The following GNB4 variants were observed in gnomAD, a reference collection of about 807,000 sequenced individuals.
GNB4 encodes the protein guanine nucleotide-binding protein subunit beta-4.
In GNB4, 28 loss-of-function variants were observed where a neutral mutation model predicts 45.2. The observed-to-expected ratio is 0.62, with a 90% CI of 0.46 to 0.85. GNB4 has a LOEUF of 0.85. GNB4 is among the 40% of genes least tolerant of loss of function. GNB4 has a pLI of 0.00. For synonymous variants in GNB4, 132 were observed against 143.7 expected (o/e 0.92, Z 0.58); for missense variants, 321 against 425.4 (o/e 0.75, Z 2.16).
chr3:179,460,281 T>C, the GNB4 span, among the ~76,000 whole-genome samples: 1 of 152,220 alleles, frequency 6.6e-6, no homozygotes, highest in East Asian at 1.9e-4. Flanking sequence ...GTTAAAAATC[T>C]CACTTTGGCA....
chr3:179,441,099 C>G (rs899356948), intron 1 of GNB4, among the ~76,000 whole-genome samples: 5 of 152,186 alleles, frequency 3.3e-5, no homozygotes, highest in Non-Finnish European at 7.3e-5. Context: ...TCAACAAACA[C>G]GTATTTGACA....
chr3:179,413,309 T>C (rs1714704655), intron 8 of GNB4, 103 bp downstream of exon 8: 1 of 850,706 alleles, frequency 1.2e-6, no homozygotes, highest in African/African-American at 1.7e-5. Context: ...AAGAGCACAT[T>C]ACTTGTAAGA....
intron 2 of GNB4, among the ~76,000 whole-genome samples, chr3:179,422,182 A>G (rs1258186333): frequency 1.3e-5 from 2 of 152,212 alleles, no homozygotes; most frequent in African/African-American, 4.8e-5. Flanking sequence ...TTATTGAACT[A>G]CGCTGAAAAT....
the GNB4 span, among the ~76,000 whole-genome samples, chr3:179,488,978 T>C: frequency 1.4e-5 from 1 of 72,252 alleles, no homozygotes. Flanking sequence ...AGTGAGATCC[T>C]GTATCCAAAA....
the GNB4 span, among the ~76,000 whole-genome samples, chr3:179,492,807 G>T: frequency 6.6e-6 from 1 of 152,140 alleles, no homozygotes; most frequent in South Asian, 2.1e-4. Flanking sequence ...CTTCAGTTAG[G>T]TCTTTGCCCC....
At chr3:179,442,180 A>G (rs986512256) in intron 1 of GNB4, among the ~76,000 whole-genome samples, 2 of 152,250 alleles carry the variant, frequency 1.3e-5, no homozygotes, top group East Asian at 3.8e-4. Context: ...ACTTGTATTT[A>G]AAGTATTACG....
At chr3:179,467,093 A>G in the GNB4 span, among the ~76,000 whole-genome samples, 15 of 152,172 alleles carry the variant, frequency 9.9e-5, no homozygotes, top group African/African-American at 3.6e-4. Context: ...AGCTCACTGC[A>G]GCCTTGAACT....
chr3:179,409,765 G>A lies in GNB4; in HGVS notation c.699+3647C>T, dbSNP rs370044207. ...GCAGAGGTTGCAGTGAGCCGAGATC[G>A]CACCACTACACTCCAGCCTCGCAAC... On this transcript the variant is annotated intron_variant, in intron 8 of 9. Transcript: ENST00000232564. Among the ~76,000 whole-genome samples, 9 of 145,838 alleles carry A rather than the reference G, an allele frequency of 6.2e-5. No individual in the cohort carries two copies. The East Asian group carries it at 7.9e-4, about 13-fold the overall frequency.
chr3:179,466,912 G>A, the GNB4 span, among the ~76,000 whole-genome samples: 6 of 152,210 alleles, frequency 3.9e-5, no homozygotes, highest in Non-Finnish European at 2.9e-5. Context: ...TTTGGACAAA[G>A]TTCTATCCCT....
chr3:179,465,057 A>G, the GNB4 span: 1 of 1,494,746 alleles, frequency 6.7e-7, no homozygotes, highest in South Asian at 1.1e-5. Context: ...ACTTCCAAAG[A>G]GCAGTTGAAG....
chr3:179,471,088 A>T, the GNB4 span, among the ~76,000 whole-genome samples: 1 of 151,598 alleles, frequency 6.6e-6, no homozygotes, highest in African/African-American at 2.4e-5. Context: ...CTGAGGCAGG[A>T]GAATGGAGTG....
At chr3:179,415,967 T>C (rs1714787660) in intron 5 of GNB4, among the ~76,000 whole-genome samples, 1 of 147,568 alleles carries the variant, frequency 6.8e-6, no homozygotes, top group East Asian at 2.0e-4. Flanking sequence ...CCTGAAGCTT[T>C]TTCACCACTC....
intron 1 of GNB4, among the ~76,000 whole-genome samples, chr3:179,439,062 A>G (rs567716878): frequency 9.2e-5 from 14 of 152,268 alleles, no homozygotes; most frequent in African/African-American, 3.1e-4. Context: ...CCTGTTAGAA[A>G]TGCAAATTTA....
chr3:179,423,747 C>G (rs1009397853), intron 2 of GNB4, among the ~76,000 whole-genome samples: 26 of 151,430 alleles, frequency 1.7e-4, no homozygotes, highest in African/African-American at 6.1e-4. Context: ...CACCACTGCA[C>G]TCCAGCCTGG....
chr3:179,443,165 G>T (rs933111134), intron 1 of GNB4, among the ~76,000 whole-genome samples: 4 of 152,182 alleles, frequency 2.6e-5, no homozygotes, highest in Non-Finnish European at 5.9e-5. Flanking sequence ...CGCTTCATAG[G>T]ACAAAATGTT....
the GNB4 span, among the ~76,000 whole-genome samples, chr3:179,467,310 C>T: frequency 6.6e-6 from 1 of 152,124 alleles, no homozygotes; most frequent in South Asian, 2.1e-4. Flanking sequence ...CTGTGCCTGG[C>T]AAGAATTTAT....
the GNB4 span, among the ~76,000 whole-genome samples, chr3:179,480,692 G>A: frequency 6.6e-6 from 1 of 152,064 alleles, no homozygotes; most frequent in Non-Finnish European, 1.5e-5. Context: ...GTGTAAAGAA[G>A]CAAAATTCAT....
chr3:179,449,980 C>T (rs1715827448), intron 1 of GNB4, among the ~76,000 whole-genome samples: 1 of 152,176 alleles, frequency 6.6e-6, no homozygotes, highest in Admixed American at 6.5e-5. Flanking sequence ...GCCAAAGACT[C>T]GGAATAACTT....
chr3:179,415,854 A>G (rs1392847219), intron 5 of GNB4, among the ~76,000 whole-genome samples: 3 of 152,210 alleles, frequency 2.0e-5, no homozygotes, highest in African/African-American at 7.2e-5. Flanking sequence ...TAAAATCTCA[A>G]TCAGGTTGAA....
Sources: allele counts gnomAD v4.1 joint callset (sites outside exome capture counted in the v4.1 genomes callset), GRCh38; gene constraint gnomAD v4.1.1; transcripts MANE v1.5; gene names NCBI Gene and HGNC (gene_info 2026-07-23, HGNC 2026-07-21).